Variants in LRP12 observed in about 807,000 individuals in gnomAD.
The protein encoded by LRP12 is low-density lipoprotein receptor-related protein 12.
LRP12 carries 14 observed loss-of-function variants against 66.0 expected under a neutral mutation model. The observed-to-expected ratio is 0.21, with a 90% confidence interval of 0.14 to 0.33. The LOEUF (loss-of-function observed/expected upper bound fraction) is 0.33, where lower values mean the gene tolerates loss of function less well. Among genes scored for constraint, LRP12 ranks in the 10% least tolerant of loss-of-function variants. LRP12 has a pLI of 1.00. For synonymous variants in LRP12, 357 were observed against 359.1 expected (o/e 0.99, Z 0.07); for missense variants, 889 against 1,053.4 (o/e 0.84, Z 2.16).
chr8:104,502,659 AAT>A (rs1810847154), intron 3 of LRP12, among the ~76,000 whole-genome samples: 3 of 152,146 alleles, frequency 2.0e-5, no homozygotes, highest in Non-Finnish European at 2.9e-5. Flanking sequence ...TCAGGGGTGG[AAT>A]ACTCTCCAGT....
chr8:104,550,493 T>C (rs1811709487), intron 1 of LRP12, among the ~76,000 whole-genome samples: 1 of 152,148 alleles, frequency 6.6e-6, no homozygotes, highest in Non-Finnish European at 1.5e-5. Flanking sequence ...TCAAACTAGG[T>C]AGGTGTGAGA....
chr8:104,581,924 C>G (rs1380709859), intron 1 of LRP12, among the ~76,000 whole-genome samples: 1 of 152,272 alleles, frequency 6.6e-6, no homozygotes, highest in African/African-American at 2.4e-5. Context: ...GCAAAACTTT[C>G]ACAAGCAATA....
intron 1 of LRP12, among the ~76,000 whole-genome samples, chr8:104,563,723 A>G (rs1004212747): frequency 2.6e-5 from 4 of 152,090 alleles, no homozygotes; most frequent in Admixed American, 6.5e-5. Flanking sequence ...CTCTTTTGCC[A>G]TGTGAGGACA....
At chr8:104,519,801 T>G (rs1056603752) in intron 2 of LRP12, among the ~76,000 whole-genome samples, 1 of 152,088 alleles carries the variant, frequency 6.6e-6, no homozygotes, top group African/African-American at 2.4e-5. Context: ...CAGCTGTTTA[T>G]AATTTAAATA....
Position 104,508,974 on chromosome 8 carries a change from G to A in LRP12, c.237C>T (p.Phe79=). The A allele has an allele frequency of 6.2e-7, 1 of 1,613,630 alleles. No individual in the cohort carries two copies. The highest frequency in any genetic ancestry group is 1.1e-5 in the South Asian group (1 of 91,016). ...TGATTTCGCCTGGGTTTGCCCTTATGAACCAGCTACAGTTGATTTTTGCAG... is the reference window on the plus strand; with the variant it reads ...TGATTTCGCCTGGGTTTGCCCTTATAAACCAGCTACAGTTGATTTTTGCAG... ...EYPAKINCSW[F]IRANPGEIIT... Residue 79 remains phenylalanine (F), a synonymous_variant, in exon 3 of 7, where the codon TTC becomes TTT. Transcript: ENST00000276654.
intron 1 of LRP12, among the ~76,000 whole-genome samples, chr8:104,536,321 AGGTT>A (rs1462677193): frequency 1.3e-5 from 2 of 152,016 alleles, no homozygotes; most frequent in Non-Finnish European, 2.9e-5. Flanking sequence ...CTCCCATACT[AGGTT>A]AGGTCATTCT....
chr8:104,544,673 C>G (rs1195292401), intron 1 of LRP12, among the ~76,000 whole-genome samples: 3 of 152,166 alleles, frequency 2.0e-5, no homozygotes, highest in African/African-American at 4.8e-5. Context: ...ACATTGTAAA[C>G]ATCTGTTTAC....
intron 2 of LRP12, among the ~76,000 whole-genome samples, chr8:104,515,716 T>C (rs1388926600): frequency 4.6e-5 from 7 of 152,298 alleles, no homozygotes; most frequent in South Asian, 4.1e-4. Flanking sequence ...CTGCAGAATA[T>C]AGACTGATTG....
At chr8:104,584,317 C>T (rs1434900747) in intron 1 of LRP12, among the ~76,000 whole-genome samples, 1 of 151,672 alleles carries the variant, frequency 6.6e-6, no homozygotes, top group Non-Finnish European at 1.5e-5. Context: ...ATATAATTCT[C>T]ACTTATATTT....
intron 1 of LRP12, among the ~76,000 whole-genome samples, chr8:104,547,785 AAT>A (rs1210813248): frequency 1.5e-5 from 2 of 129,206 alleles, no homozygotes; most frequent in Admixed American, 8.7e-5. Context: ...TTTTGTATAT[AAT>A]ATATAATTAT....
At chr8:104,555,009 T>C (rs997005811) in intron 1 of LRP12, among the ~76,000 whole-genome samples, 5 of 152,216 alleles carry the variant, frequency 3.3e-5, no homozygotes, top group African/African-American at 1.2e-4. Context: ...CCAAGAATTC[T>C]GTATCCAGCA....
intron 1 of LRP12, among the ~76,000 whole-genome samples, chr8:104,542,432 C>A (rs1448866640): frequency 6.6e-6 from 1 of 152,126 alleles, no homozygotes; most frequent in African/African-American, 2.4e-5. Flanking sequence ...CAAATATTTT[C>A]TCCCATTCTA....
intron 1 of LRP12, among the ~76,000 whole-genome samples, chr8:104,584,977 C>T (rs1391577689): frequency 6.6e-6 from 1 of 152,124 alleles, no homozygotes; most frequent in East Asian, 1.9e-4. Context: ...TACATATATG[C>T]AAAGTAAAAA....
intron 1 of LRP12, among the ~76,000 whole-genome samples, chr8:104,565,192 CAT>C (rs1414479041): frequency 2.6e-5 from 4 of 152,032 alleles, no homozygotes; most frequent in African/African-American, 7.2e-5. Flanking sequence ...ATAATAAATA[CAT>C]ATGTGTGCAT....
At chr8:104,501,350 G>C (rs1038091779) in intron 3 of LRP12, among the ~76,000 whole-genome samples, 2 of 151,864 alleles carry the variant, frequency 1.3e-5, no homozygotes, top group Non-Finnish European at 2.9e-5. Flanking sequence ...TATATCTTCT[G>C]TGAAGTATCT....
intron 2 of LRP12, among the ~76,000 whole-genome samples, chr8:104,531,122 C>A (rs1269031808): frequency 6.6e-6 from 1 of 152,000 alleles, no homozygotes; most frequent in East Asian, 1.9e-4. Context: ...CAAGATGACA[C>A]AAAGAAGTTA....
At chr8:104,566,430 C>CAATT (rs1381660359) in intron 1 of LRP12, 23 of 237,604 alleles carry the variant, frequency 9.7e-5, no homozygotes, top group Admixed American at 9.7e-4. Context: ...ATGGCCAATA[C>CAATT]AATTACTAAA....
chr8:104,544,823 A>G (rs1409867155), intron 1 of LRP12, among the ~76,000 whole-genome samples: 1 of 152,188 alleles, frequency 6.6e-6, no homozygotes, highest in Non-Finnish European at 1.5e-5. Context: ...GGAAATCCAC[A>G]TATTTCCATG....
chr8:104,491,273 C>T lies in LRP12; in HGVS notation c.1980G>A (p.Glu660=), dbSNP rs368548258. 1.9e-5 allele frequency: 31 copies of T among 1,614,004 alleles called. No individual in the cohort carries two copies. The highest frequency in any genetic ancestry group is 2.6e-5 in the Non-Finnish European group (31 of 1,180,036). ...VESDDTDTEN[E]RRDMAGASGG... ...CAGATGCTCCTGCCATATCTCTTCT[C>T]TCATTTTCTGTGTCTGTATCATCAG... is the stretch of plus-strand genomic sequence containing the variant. Residue 660 remains glutamate, a synonymous_variant, in exon 7 of 7, where the codon GAG becomes GAA. Transcript: ENST00000276654.
Sources: gnomAD v4.1 joint callset for allele counts (sites outside exome capture counted in the v4.1 genomes callset) on GRCh38, gnomAD v4.1.1 for gene constraint, MANE v1.5 for transcripts, NCBI Gene and HGNC (gene_info 2026-07-23, HGNC 2026-07-21) for gene names.